ASH1L: variants seen among roughly 807,000 people sequenced by gnomAD.
ASH1L encodes histone-lysine N-methyltransferase ASH1L.
A neutral mutation model predicts 269.0 loss-of-function variants in ASH1L; 23 were observed. The ratio of observed to expected loss-of-function variants is 0.09; its 90% confidence interval spans 0.06 to 0.12. ASH1L has a LOEUF of 0.12. ASH1L is among the 10% of genes least tolerant of loss of function. The probability of loss-of-function intolerance (pLI) is 1.00; values close to 1 mark genes in which losing one functional copy is unlikely to be tolerated. For missense variants in ASH1L, 2,912 were observed against 3,567.8 expected (o/e 0.82, Z 4.68); for synonymous variants, 1,187 against 1,253.5 (o/e 0.95, Z 1.12).
chr1:155,412,050 T>C (rs1659853685), intron 6 of ASH1L, among the ~76,000 whole-genome samples: 1 of 151,924 alleles, frequency 6.6e-6, no homozygotes, highest in Non-Finnish European at 1.5e-5. Context: ...GCAACCAGAC[T>C]GGGCAACATG....
In ASH1L at chr1:155,392,886, C is replaced by T. The variant is rs1021048777; in HGVS notation, c.6103+2573G>A. Among the ~76,000 whole-genome samples the T allele has an allele frequency of 4.6e-5, 7 of 151,680 alleles. No homozygotes were observed. The East Asian group carries it at 7.7e-4, about 17-fold the overall frequency. ...GGAGTCTCACTCTTGTCACCCATGCCGGAGTGCAATGGGGTGATCTTGAAC... is the reference window on the plus strand; with the variant it reads ...GGAGTCTCACTCTTGTCACCCATGCTGGAGTGCAATGGGGTGATCTTGAAC... On this transcript the variant is annotated intron_variant, in intron 7 of 27. Transcript: ENST00000392403.
intron 13 of ASH1L, 122 bp downstream of exon 13, chr1:155,360,179 T>G: frequency 3.0e-6 from 2 of 670,766 alleles, no homozygotes; most frequent in Non-Finnish European, 5.2e-6. Context: ...TGTGAACCAC[T>G]GTGTCCAGCC....
intron 6 of ASH1L, among the ~76,000 whole-genome samples, chr1:155,409,473 T>C (rs1460837212): frequency 1.3e-5 from 2 of 152,176 alleles, no homozygotes; most frequent in Non-Finnish European, 2.9e-5. Context: ...GGAAAAAATG[T>C]AGTATCTTTG....
intron 2 of ASH1L, among the ~76,000 whole-genome samples, chr1:155,488,662 C>T (rs1201065545): frequency 1.1e-5 from 1 of 88,422 alleles, no homozygotes; most frequent in East Asian, 3.7e-4. Flanking sequence ...GAGCAAGACT[C>T]TGTCACAAAA....
intron 2 of ASH1L, among the ~76,000 whole-genome samples, chr1:155,488,789 A>T (rs564305839): frequency 6.6e-6 from 1 of 151,942 alleles, no homozygotes; most frequent in Non-Finnish European, 1.5e-5. Context: ...TCACTTTAAG[A>T]GAGCATATTA....
intron 3 of ASH1L, among the ~76,000 whole-genome samples, chr1:155,466,330 G>A (rs531868482): frequency 2.1e-4 from 32 of 152,020 alleles, no homozygotes; most frequent in African/African-American, 7.0e-4. Flanking sequence ...CTCCAGCCTG[G>A]GCGACAGAGT....
At chr1:155,550,497 TC>T (rs1353795193) in intron 1 of ASH1L, among the ~76,000 whole-genome samples, 1 of 152,140 alleles carries the variant, frequency 6.6e-6, no homozygotes. Context: ...CTATCACTAT[TC>T]CCCCCTTTAC....
At chr1:155,558,138 T>C (rs1382477063) in intron 1 of ASH1L, among the ~76,000 whole-genome samples, 9 of 152,268 alleles carry the variant, frequency 5.9e-5, no homozygotes, top group South Asian at 2.1e-4. Flanking sequence ...TCAAGTGGAA[T>C]TGCTAATACT....
chr1:155,478,518 G>T lies in ASH1L; in HGVS notation c.4352C>A (p.Ala1451Asp). ...GGGAGTCCTGCTGGTTGTAAGAAAG[G>T]CCTCCTGTCGAAGTAGCTTATGCTT... Reference protein sequence around the residue: ...KKKHKLLRQEAFLTTSRTPLL... With the variant: ...KKKHKLLRQEDFLTTSRTPLL... The change falls in exon 3 of 28, where the codon GCC becomes GAC. Residue 1451 changes from alanine (A) to aspartate (D), a missense_variant. This residue lies in a region of ASH1L where 789 missense variants were observed against 897.6 expected (regional missense o/e 0.88). Coordinates refer to ENST00000392403, the MANE Select transcript of ASH1L (RefSeq NM_018489.3). The surrounding 1 kb of genome is among the most constrained non-coding windows in gnomAD (Gnocchi z 4.6). 6.2e-7 allele frequency: 1 copy of T among 1,614,122 alleles called. No individual in the cohort carries two copies. The highest frequency in any genetic ancestry group is 8.5e-7 in the Non-Finnish European group (1 of 1,180,012).
At chr1:155,469,084 G>A (rs1219941481) in intron 3 of ASH1L, among the ~76,000 whole-genome samples, 1 of 151,968 alleles carries the variant, frequency 6.6e-6, no homozygotes, top group Non-Finnish European at 1.5e-5. Context: ...TATACAAATG[G>A]CTCTCAGACA....
intron 6 of ASH1L, among the ~76,000 whole-genome samples, chr1:155,413,227 G>A (rs866785443): frequency 4.6e-5 from 7 of 151,154 alleles, no homozygotes; most frequent in Non-Finnish European, 7.4e-5. Context: ...CATTATTTCC[G>A]CAACCTGTCT....
At position 155,337,768 on chromosome 1, in the gene ASH1L, G is replaced by C; in HGVS notation, c.8804-17C>G. The C allele has an allele frequency of 6.2e-7, 1 of 1,609,770 alleles. No homozygotes were observed. Among genetic ancestry groups the C allele is most frequent in the South Asian group, 1.1e-5 (1 of 90,954 alleles). On this transcript the variant is annotated splice_polypyrimidine_tract_variant and intron_variant, in intron 27 of 27. Transcript: ENST00000392403. ...CATCAATGGCTGAAAACAGAACCAA[G>C]GAGGCTCATCAAAATACCAATCTCC...
chr1:155,531,943 T>C (rs1669700176), intron 1 of ASH1L, among the ~76,000 whole-genome samples: 1 of 152,252 alleles, frequency 6.6e-6, no homozygotes, highest in Non-Finnish European at 1.5e-5. Flanking sequence ...GCAATGTTCA[T>C]TGAGAATATC....
At chr1:155,340,514 C>G (rs1157494999) in intron 25 of ASH1L, among the ~76,000 whole-genome samples, 4 of 152,012 alleles carry the variant, frequency 2.6e-5, no homozygotes, top group African/African-American at 9.7e-5. Flanking sequence ...TCCAGGGTGA[C>G]AGCTATGACT....
In ASH1L at chr1:155,480,934, T is replaced by C. The variant is rs374322359; in HGVS notation, c.1936A>G (p.Ile646Val). The C allele has an allele frequency of 5.6e-6, 9 of 1,613,944 alleles. No homozygotes were observed. The highest frequency in any genetic ancestry group is 5.3e-5 in the African/African-American group (4 of 74,920). ...GGCTTTTTTCCAAGGGAAGAGCTTA[T>C]TCTTGGAATATCTATATGGGTAGTT... is the stretch of plus-strand genomic sequence containing the variant. ...SKTTHIDIPR[I>V]SSSLGKKPSL... The change falls in exon 3 of 28, where the codon ATA (isoleucine) becomes GTA (valine). Residue 646 changes from isoleucine to valine, a missense_variant. By Grantham distance (29) the Ile-to-Val change is conservative. This residue lies in a region of ASH1L where 715 missense variants were observed against 721.0 expected (regional missense o/e 0.99). Coordinates refer to ENST00000392403, the MANE Select transcript of ASH1L (RefSeq NM_018489.3).
At chr1:155,484,737 TGG>T (rs1422570541) in intron 2 of ASH1L, among the ~76,000 whole-genome samples, 2 of 145,360 alleles carry the variant, frequency 1.4e-5, no homozygotes, top group South Asian at 2.2e-4. Context: ...GAGACCAGCC[TGG>T]CCAACATGGT....
chr1:155,562,795 C>T lies in ASH1L; in HGVS notation c.-742G>A. On this transcript the variant is annotated 5_prime_UTR_variant, in exon 1 of 28. Coordinates refer to ENST00000392403, the MANE Select transcript of ASH1L (RefSeq NM_018489.3). ...CACGCGTACCTTCAACGGCGCAAGC[C>T]CAAGCCTCCTCCTCCTCCTCCTCCA... 4.4e-6 allele frequency: 3 copies of T among 680,684 alleles called. No individual in the cohort carries two copies. The highest frequency in any genetic ancestry group is 2.6e-6 in the Non-Finnish European group (1 of 389,150). The allele number at this position is 680,684 out of a possible 1,614,324, so 42.2% of individuals were successfully genotyped here. A position where few individuals can be genotyped will look rare whatever the true frequency, so the allele number is the denominator to read the frequency against.
At chr1:155,453,215 C>T (rs1663620541) in intron 4 of ASH1L, among the ~76,000 whole-genome samples, 2 of 151,998 alleles carry the variant, frequency 1.3e-5, no homozygotes, top group African/African-American at 2.4e-5. Context: ...CTTAGCCAGG[C>T]GTGGTAGCAC....
chr1:155,540,253 T>C (rs1670336530), intron 1 of ASH1L, among the ~76,000 whole-genome samples: 1 of 152,204 alleles, frequency 6.6e-6, no homozygotes, highest in Admixed American at 6.5e-5. Context: ...CTAGTCCTGC[T>C]ATATTAATTT....
Sources: gnomAD v4.1 joint callset for allele counts (sites outside exome capture counted in the v4.1 genomes callset) on GRCh38, gnomAD v4.1.1 for gene constraint, gnomAD v4.1.1 regional missense constraint, Gnocchi (gnomAD v3.1) non-coding constraint, MANE v1.5 for transcripts, NCBI Gene and HGNC (gene_info 2026-07-23, HGNC 2026-07-21) for gene names.